STS: variants seen among roughly 807,000 people sequenced by gnomAD.
STS encodes steroid sulfatase.
STS carries 7 observed loss-of-function variants against 26.8 expected under a neutral mutation model. That is an observed-to-expected ratio of 0.26 (90% confidence interval 0.15 to 0.49). The LOEUF is 0.49. Among genes scored for constraint, STS ranks in the 20% least tolerant of loss-of-function variants. The pLI, the probability that STS is intolerant of heterozygous loss-of-function variation, is 0.98. For missense variants in STS, 434 were observed against 465.6 expected, an observed-to-expected ratio of 0.93 and a Z score of 0.63; for synonymous variants, 199 against 189.4, an observed-to-expected ratio of 1.05 and a Z score of -0.42.
chrX:7,325,813 T>G (rs1927421421), intron 9 of STS, among the ~76,000 whole-genome samples: 1 of 111,968 alleles, frequency 8.9e-6, no homozygotes, highest in African/African-American at 3.2e-5. Context: ...GCTAACGGAC[T>G]GAGTGGGGAA....
At chrX:7,234,079 A>T (rs770429466) in intron 2 of STS, among the ~76,000 whole-genome samples, 51 of 111,898 alleles carry the variant, frequency 4.6e-4, no homozygotes, top group Non-Finnish European at 7.5e-4. Context: ...TCTGCTGCCC[A>T]TGGTTTTGTT....
intron 5 of STS, among the ~76,000 whole-genome samples, chrX:7,258,925 C>T (rs1390299958): frequency 1.9e-5 from 2 of 107,188 alleles, no homozygotes; most frequent in Non-Finnish European, 1.9e-5. Context: ...AAAAAACAAA[C>T]TTGTATTTTT....
rs1214783952 is a variant in STS at position 7,333,999 on chromosome X, C to A, written c.1255C>A (p.Arg419Ser). The change falls in exon 10 of 11, where the codon CGT becomes AGT. Residue 419 changes from arginine (R) to serine (S), a missense_variant. Arg to Ser is a moderately radical substitution (Grantham distance 110). This residue lies in a region of STS where 205 missense variants were observed against 177.3 expected (regional missense o/e 1.16). Transcript: ENST00000674429. ...PLPEDRIIDG[R>S]DLMPLLEGKS... Reference sequence around the variant, plus strand: ...TTTATCCCACAGGATCATTGATGGACGTGATCTGATGCCCCTGCTTGAAGG... The same window carrying A: ...TTTATCCCACAGGATCATTGATGGAAGTGATCTGATGCCCCTGCTTGAAGG... 8.3e-7 allele frequency: 1 copy of A among 1,211,304 alleles called. No individual in the cohort carries two copies. The highest frequency in any genetic ancestry group is 2.2e-5 in the Admixed American group (1 of 45,985).
chrX:7,189,167 TA>T (rs1285846051), intron 1 of STS, among the ~76,000 whole-genome samples: 16 of 111,816 alleles, frequency 1.4e-4, no homozygotes, highest in African/African-American at 3.6e-4. Context: ...TATTTTTTTT[TA>T]CCAAGTGGGA....
intron 2 of STS, among the ~76,000 whole-genome samples, chrX:7,226,529 A>G (rs1435994569): frequency 9.0e-6 from 1 of 111,602 alleles, no homozygotes; most frequent in East Asian, 2.8e-4. Context: ...ATGTATATTC[A>G]ATTGTATAGG....
intron 2 of STS, among the ~76,000 whole-genome samples, chrX:7,205,130 A>AT (rs1401272486): frequency 1.8e-5 from 2 of 111,836 alleles, no homozygotes. Flanking sequence ...TGTTAGTAAA[A>AT]TAGACTTTTG....
chrX:7,269,423 A>G (rs1924164531), intron 6 of STS, among the ~76,000 whole-genome samples: 1 of 107,673 alleles, frequency 9.3e-6, no homozygotes, highest in Non-Finnish European at 1.9e-5. Flanking sequence ...ATTCACAAAC[A>G]CTGTCATGCT....
rs1204751026 is a variant in STS, at chrX:7,215,134, CACACAT to C, written c.-5+24128_-5+24133del. Reference sequence around the variant, plus strand: ...ACATATATACACACACACACACACACACACATATATATATATATATATACACACCAC... The same window carrying C: ...ACATATATACACACACACACACACACATATATATATATATATACACACCAC... On this transcript the variant is annotated intron_variant, in intron 2 of 10. Coordinates refer to ENST00000674429, the MANE Select transcript of STS (RefSeq NM_001320752.2). Among the ~76,000 whole-genome samples the C allele has an allele frequency of 4.8e-4, 39 of 81,066 alleles. 1 individual carries two copies. The East Asian group carries it at 9.0e-3, about 19-fold the overall frequency. The allele number at this position is 81,066 out of a possible 115,157, so 70.4% of individuals were successfully genotyped here.
At chrX:7,222,638 C>T (rs1921626063) in intron 2 of STS, among the ~76,000 whole-genome samples, 1 of 110,118 alleles carries the variant, frequency 9.1e-6, no homozygotes, top group Admixed American at 9.7e-5. Flanking sequence ...CAATGTTTTC[C>T]ATCTCAGAAC....
chrX:7,332,508 T>C (rs1475724409), intron 9 of STS, among the ~76,000 whole-genome samples: 1 of 110,569 alleles, frequency 9.0e-6, no homozygotes, highest in Admixed American at 9.7e-5. Context: ...CATCTTGCTT[T>C]TGGGGAGTCA....
At chrX:7,309,544 A>G (rs1223359461) in intron 8 of STS, among the ~76,000 whole-genome samples, 1 of 109,909 alleles carries the variant, frequency 9.1e-6, no homozygotes, top group Non-Finnish European at 1.9e-5. Flanking sequence ...CCTCAAACCT[A>G]AAATAAGTTA....
intron 8 of STS, among the ~76,000 whole-genome samples, chrX:7,317,509 C>T (rs1601738286): frequency 9.0e-6 from 1 of 111,525 alleles, no homozygotes; most frequent in African/African-American, 3.3e-5. Flanking sequence ...CACTTTGTCA[C>T]CCAGGCTAGG....
At chrX:7,266,951 A>AT (rs1924036036) in intron 6 of STS, among the ~76,000 whole-genome samples, 1 of 112,191 alleles carries the variant, frequency 8.9e-6, no homozygotes, top group Admixed American at 9.5e-5. Flanking sequence ...TTCACACCAC[A>AT]TAACAACCTC....
chrX:7,234,719 AG>A (rs1315369791), intron 2 of STS, among the ~76,000 whole-genome samples: 1 of 112,071 alleles, frequency 8.9e-6, no homozygotes, highest in African/African-American at 3.2e-5. Context: ...GAGGATGTAA[AG>A]ACTATCCTCA....
chrX:7,152,269 G>A (rs1282397301), intron 1 of STS, among the ~76,000 whole-genome samples: 5 of 111,971 alleles, frequency 4.5e-5, no homozygotes, highest in South Asian at 3.7e-4. Flanking sequence ...TTATTTTAAT[G>A]TAAAGAAGTA....
At chrX:7,184,863 A>G (rs375599558) in intron 1 of STS, among the ~76,000 whole-genome samples, 6 of 112,320 alleles carry the variant, frequency 5.3e-5, no homozygotes, top group African/African-American at 1.6e-4. Flanking sequence ...GGTAAATTAA[A>G]TTGTGTGATG....
intron 9 of STS, among the ~76,000 whole-genome samples, chrX:7,330,819 T>G (rs1465471077): frequency 8.9e-6 from 1 of 112,503 alleles, no homozygotes; most frequent in African/African-American, 3.2e-5. Flanking sequence ...GAGGGTTTAA[T>G]GTTTACAAAT....
At chrX:7,273,460 A>G (rs1321807056) in intron 6 of STS, among the ~76,000 whole-genome samples, 2 of 111,649 alleles carry the variant, frequency 1.8e-5, no homozygotes, top group Non-Finnish European at 3.8e-5. Flanking sequence ...AAAACTGGCC[A>G]TAAAGAAATT....
At chrX:7,275,617 G>A (rs1005729415) in intron 6 of STS, among the ~76,000 whole-genome samples, 2 of 111,157 alleles carry the variant, frequency 1.8e-5, no homozygotes, top group Non-Finnish European at 3.8e-5. Context: ...ATATAGAGAA[G>A]GAAGAACAGA....
Sources: gnomAD v4.1 joint callset for allele counts (sites outside exome capture counted in the v4.1 genomes callset) on GRCh38, gnomAD v4.1.1 for gene constraint, gnomAD v4.1.1 regional missense constraint, MANE v1.5 for transcripts, NCBI Gene and HGNC (gene_info 2026-07-23, HGNC 2026-07-21) for gene names.